Variants in TIMM8A observed in about 807,000 individuals in gnomAD.
TIMM8A encodes the protein translocase of inner mitochondrial membrane 8A.
In TIMM8A, 2 loss-of-function variants were observed where a neutral mutation model predicts 6.8. That is an observed-to-expected ratio of 0.30 (90% CI 0.12 to 0.93). The LOEUF (loss-of-function observed/expected upper bound fraction) is 0.93. TIMM8A is among the 40% of genes least tolerant of loss of function. TIMM8A has a pLI of 0.55. For missense variants in TIMM8A, 34 were observed against 75.2 expected (o/e 0.45, Z 2.02); for synonymous variants, 26 against 28.5 (o/e 0.91, Z 0.28).
rs1372393416 is a variant in TIMM8A at position 101,348,510 on chromosome X, G to C, written c.132+23C>G. 4 of 1,203,459 alleles carry C rather than the reference G, an allele frequency of 3.3e-6. No individual in the cohort carries two copies. In the Admixed American group the frequency reaches 8.9e-5, roughly 27 times the overall value. Reference sequence around the variant, plus strand: ...AGAGGGAAAGTAGGTACAGTGTTCAGGTCCCAGCCCCAGGCTCCTCACCCA... The same window carrying C: ...AGAGGGAAAGTAGGTACAGTGTTCACGTCCCAGCCCCAGGCTCCTCACCCA... On this transcript the variant is annotated intron_variant, in intron 1 of 1. Coordinates refer to ENST00000372902, the MANE Select transcript of TIMM8A (RefSeq NM_004085.4).
In TIMM8A at chrX:101,348,691, G is replaced by C. The variant is rs781821345; in HGVS notation, c.-27C>G. 1.7e-6 allele frequency: 2 copies of C among 1,207,601 alleles called. No individual in the cohort carries two copies. The highest frequency in any genetic ancestry group is 2.2e-5 in the Admixed American group (1 of 45,764). ...CCAGGGCGACCAAGCTTGCAGAGAC[G>C]AACTCCGCACCGACCTTCACGTGTC... On this transcript the variant is annotated 5_prime_UTR_variant, in exon 1 of 2. Transcript: ENST00000372902.
chrX:101,348,106 G>A (rs1185082666), intron 1 of TIMM8A: 2 of 1,043,396 alleles, frequency 1.9e-6, no homozygotes, highest in East Asian at 3.7e-5. Context: ...AGCGGAGAGG[G>A]TTAGAACTGG....
chrX:101,346,456 AT>A lies in TIMM8A; in HGVS notation c.*42del, dbSNP rs782214090. 2 of 1,208,952 alleles carry A rather than the reference AT, an allele frequency of 1.7e-6. No individual in the cohort carries two copies. Among genetic ancestry groups the A allele is most frequent in the Admixed American group, 2.2e-5 (1 of 45,740 alleles). On this transcript the variant is annotated 3_prime_UTR_variant, in exon 2 of 2. Transcript: ENST00000372902. ...TCAATCATCCCATCAACAGCTCTTCATTTCTTGAACTACCTTCCTTTTCCAA... is the reference window on the plus strand; with the variant it reads ...TCAATCATCCCATCAACAGCTCTTCATTCTTGAACTACCTTCCTTTTCCAA...
chrX:101,348,672 C>A lies in TIMM8A; in HGVS notation c.-8G>T, dbSNP rs782142925. ...AGAGGAGGAGGAATCCATCCCAGGG[C>A]GACCAAGCTTGCAGAGACGAACTCC... is the stretch of plus-strand genomic sequence containing the variant. On this transcript the variant is annotated 5_prime_UTR_variant, in exon 1 of 2. Transcript: ENST00000372902. The A allele has an allele frequency of 8.1e-5, 98 of 1,208,899 alleles. No homozygotes were observed. The highest frequency in any genetic ancestry group is 1.8e-4 in the East Asian group (6 of 33,714).
At position 101,346,210 on chromosome X, in the gene TIMM8A, T is replaced by C; in HGVS notation, c.*289A>G. 1 of 931,635 alleles carries C rather than the reference T, an allele frequency of 1.1e-6. No homozygotes were observed. The highest frequency in any genetic ancestry group is 5.5e-5 in the East Asian group (1 of 18,250). The allele number at this position is 931,635 out of a possible 1,213,427, so 76.8% of individuals were successfully genotyped here. A position where few individuals can be genotyped will look rare whatever the true frequency, so the allele number is the denominator to read the frequency against. On this transcript the variant is annotated 3_prime_UTR_variant, in exon 2 of 2. Coordinates refer to ENST00000372902, the MANE Select transcript of TIMM8A (RefSeq NM_004085.4). ...TATCAAAATTATAGGAAGCAGTTAA[T>C]GGGGCTTTGAGAAAAGCATAGTCCC...
At position 101,348,691 on chromosome X, in the gene TIMM8A, G is replaced by A. The variant is rs781821345; in HGVS notation, c.-27C>T. ...CCAGGGCGACCAAGCTTGCAGAGAC[G>A]AACTCCGCACCGACCTTCACGTGTC... On this transcript the variant is annotated 5_prime_UTR_variant, in exon 1 of 2. Transcript: ENST00000372902. 1.7e-6 allele frequency: 2 copies of A among 1,209,356 alleles called. No individual in the cohort carries two copies. Among genetic ancestry groups the A allele is most frequent in the Non-Finnish European group, 1.1e-6 (1 of 894,708 alleles).
In TIMM8A at chrX:101,348,647, A is replaced by G. The variant is rs1555976418; in HGVS notation, c.18T>C (p.Ser6=). 1.7e-6 allele frequency: 2 copies of G among 1,211,210 alleles called. No homozygotes were observed. Among genetic ancestry groups the G allele is most frequent in the Admixed American group, 2.2e-5 (1 of 46,051 alleles). The part of the protein sequence containing the change: MDSSS[S]SSAAGLGAVD... Reference sequence around the variant, plus strand: ...CTGCACCCAAACCCGCCGCGGAGGAAGAGGAGGAGGAATCCATCCCAGGGC... The same window carrying G: ...CTGCACCCAAACCCGCCGCGGAGGAGGAGGAGGAGGAATCCATCCCAGGGC... The change falls in exon 1 of 2, where the codon TCT becomes TCC. Residue 6 remains serine (S), a synonymous_variant. Transcript: ENST00000372902.
Position 101,346,511 on chromosome X carries a change from G to A in TIMM8A, c.282C>T (p.Ser94=), listed in dbSNP as rs1443740723. 1 of 1,210,762 alleles carries A rather than the reference G, an allele frequency of 8.3e-7. No individual in the cohort carries two copies. Among genetic ancestry groups the A allele is most frequent in the Admixed American group, 2.2e-5 (1 of 45,987 alleles). Reference sequence around the variant, plus strand: ...GGTAATGCTGAGATCAGTCAGAAAGGCTTTCTGAGAAAACTGGCTTGGATT... The same window carrying A: ...GGTAATGCTGAGATCAGTCAGAAAGACTTTCTGAGAAAACTGGCTTGGATT... ...TQKSKPVFSE[S]LSD The change falls in exon 2 of 2, where the codon AGC becomes AGT. Residue 94 remains serine (S), a synonymous_variant. Coordinates refer to ENST00000372902, the MANE Select transcript of TIMM8A (RefSeq NM_004085.4).
At position 101,345,810 on chromosome X, in the gene TIMM8A, A is replaced by AT. The variant is rs1926052889; in HGVS notation, c.*688_*689insA. The AT allele has an allele frequency of 5.4e-6, 4 of 746,842 alleles. No homozygotes were observed. The African/African-American group carries it at 1.0e-4, about 19-fold the overall frequency. The allele number at this position is 746,842 out of a possible 1,213,427, so 61.5% of individuals were successfully genotyped here. ...TATAACTTATTTAGGCACATCACTG[A>AT]ATTTTTTGTACCCTGATATACAGGG... On this transcript the variant is annotated 3_prime_UTR_variant, in exon 2 of 2. Coordinates refer to ENST00000372902, the MANE Select transcript of TIMM8A (RefSeq NM_004085.4).
At chrX:101,347,874 A>T in intron 1 of TIMM8A, 1 of 199,941 alleles carries the variant, frequency 5.0e-6, no homozygotes, top group Non-Finnish European at 7.8e-6. Flanking sequence ...TGTGTACATT[A>T]AGGGAGATCT....
At chrX:101,346,883 A>T (rs1372316250) in intron 1 of TIMM8A, 4 of 352,446 alleles carry the variant, frequency 1.1e-5, no homozygotes, top group Non-Finnish European at 1.5e-5. Context: ...ATACTATTAT[A>T]AATCCTCATT....
intron 1 of TIMM8A, 150 bp from the exon 2 acceptor site, chrX:101,346,810 A>T (rs1186750672): frequency 3.1e-5 from 16 of 515,563 alleles, no homozygotes; most frequent in Non-Finnish European, 5.1e-5. Flanking sequence ...TTGGCAGCTG[A>T]CCAAGTATAT....
chrX:101,346,808 T>G (rs1260540761), intron 1 of TIMM8A, 148 bp from the exon 2 acceptor site: 2 of 521,329 alleles, frequency 3.8e-6, no homozygotes, highest in Non-Finnish European at 6.2e-6. Flanking sequence ...ATTTGGCAGC[T>G]GACCAAGTAT....
chrX:101,348,698 G>A lies in TIMM8A; in HGVS notation c.-34C>T, dbSNP rs1926153735. ...GACCAAGCTTGCAGAGACGAACTCC[G>A]CACCGACCTTCACGTGTCTCCGCGA... On this transcript the variant is annotated 5_prime_UTR_variant, in exon 1 of 2. Coordinates refer to ENST00000372902, the MANE Select transcript of TIMM8A (RefSeq NM_004085.4). 2 of 1,207,880 alleles carry A rather than the reference G, an allele frequency of 1.7e-6. No homozygotes were observed. The highest frequency in any genetic ancestry group is 1.8e-5 in the South Asian group (1 of 56,936).
chrX:101,346,714 T>C (rs782675377), intron 1 of TIMM8A, 54 bp from the exon 2 acceptor site: 1 of 1,165,277 alleles, frequency 8.6e-7, no homozygotes, highest in Admixed American at 2.3e-5. Flanking sequence ...AAAAAGACGG[T>C]TGGGGGCAGG....
intron 1 of TIMM8A, chrX:101,348,260 C>G: frequency 1.7e-6 from 2 of 1,152,977 alleles, no homozygotes; most frequent in South Asian, 4.0e-5. Context: ...GCTTCAACCT[C>G]GGGTGCCTGA....
chrX:101,348,615 G>C lies in TIMM8A; in HGVS notation c.50C>G (p.Pro17Arg). The C allele has an allele frequency of 8.3e-7, 1 of 1,211,672 alleles. No homozygotes were observed. Among genetic ancestry groups the C allele is most frequent in the South Asian group, 1.8e-5 (1 of 57,010 alleles). The change falls in exon 1 of 2, where the codon CCG becomes CGG. Residue 17 changes from proline (P) to arginine (R), a missense_variant. Coordinates refer to ENST00000372902, the MANE Select transcript of TIMM8A (RefSeq NM_004085.4). Reference protein sequence around the residue: ...SSAAGLGAVDPQLQHFIEVET... With the variant: ...SSAAGLGAVDRQLQHFIEVET... ...TACCTCGATGAAATGCTGCAACTGC[G>C]GGTCCACTGCACCCAAACCCGCCGC...
At chrX:101,346,909 C>T (rs1429901812) in intron 1 of TIMM8A, 10 of 327,965 alleles carry the variant, frequency 3.0e-5, no homozygotes, top group Non-Finnish European at 5.2e-5. Flanking sequence ...AAGAGGAAAA[C>T]TGTGGCACAG....
chrX:101,346,063 AC>A lies in TIMM8A; in HGVS notation c.*435del, dbSNP rs79564479. On this transcript the variant is annotated 3_prime_UTR_variant, in exon 2 of 2. Coordinates refer to ENST00000372902, the MANE Select transcript of TIMM8A (RefSeq NM_004085.4). ...TTTTCTCCAGCATTGACAATCAAAC[AC>A]TAGATAAGGATACCAAATTATTCTT... 0.024 allele frequency: 19,464 copies of A among 811,355 alleles called. 1,318 individuals carry two copies. The African/African-American group carries it at 0.25, about 10-fold the overall frequency. 66.9% of individuals were successfully genotyped at this position (811,355 alleles called of 1,213,427 possible).
Sources: gnomAD v4.1 joint callset for allele counts on GRCh38, gnomAD v4.1.1 for gene constraint, MANE v1.5 for transcripts, NCBI Gene and HGNC (gene_info 2026-07-23, HGNC 2026-07-21) for gene names.